Variants in PHKG2 observed in about 807,000 individuals in gnomAD.
PHKG2 encodes the protein phosphorylase kinase catalytic subunit gamma 2.
In PHKG2, 28 loss-of-function variants were observed where a neutral mutation model predicts 44.5. The observed-to-expected ratio is 0.63, with a 90% CI of 0.47 to 0.86. PHKG2 has a LOEUF of 0.86. Among genes scored for constraint, PHKG2 ranks in the 40% least tolerant of loss-of-function variants. The probability of loss-of-function intolerance (pLI) is 0.00; values close to 1 mark genes in which losing one functional copy is unlikely to be tolerated. For missense variants in PHKG2, 498 were observed against 547.5 expected, an observed-to-expected ratio of 0.91 and a Z score of 0.90; for synonymous variants, 220 against 211.2, an observed-to-expected ratio of 1.04 and a Z score of -0.36.
At position 30,748,450 on chromosome 16, in the gene PHKG2, G is replaced by A. The variant is rs1449020628; in HGVS notation, c.-59G>A. 1 of 291,474 alleles carries A rather than the reference G, an allele frequency of 3.4e-6. No homozygotes were observed. The highest frequency in any genetic ancestry group is 6.5e-6 in the Non-Finnish European group (1 of 153,472). The allele number at this position is 291,474 out of a possible 1,614,324, so 18.1% of individuals were successfully genotyped here. On this transcript the variant is annotated 5_prime_UTR_variant, in exon 1 of 10. Coordinates refer to ENST00000563588, the MANE Select transcript of PHKG2 (RefSeq NM_000294.3). ...GACTGCAGGCAAACCCGGCGACAGC[G>A]CAGCTCGCGTCGACCCTGGCTCCTC... is the stretch of plus-strand genomic sequence containing the variant.
In PHKG2 at chr16:30,759,620, G is replaced by A. The variant is rs755838861; in HGVS notation, c.*2523G>A. The A allele has an allele frequency of 1.9e-6, 3 of 1,613,952 alleles. No individual in the cohort carries two copies. The highest frequency in any genetic ancestry group is 1.3e-5 in the African/African-American group (1 of 74,910). Reference sequence around the variant, plus strand: ...CTGGGTGAGACCTTGTCTGGGGATGGGTAAAGTTTCCAGAATGTTCCAGGG... The same window carrying A: ...CTGGGTGAGACCTTGTCTGGGGATGAGTAAAGTTTCCAGAATGTTCCAGGG... On this transcript the variant is annotated 3_prime_UTR_variant, in exon 10 of 10. Transcript: ENST00000563588.
intron 2 of PHKG2, among the ~76,000 whole-genome samples, chr16:30,749,391 A>G (rs1426190067): frequency 3.9e-5 from 6 of 152,160 alleles, no homozygotes; most frequent in African/African-American, 4.8e-5. Flanking sequence ...TCTGTCGCCC[A>G]GGCCGGAATG....
At chr16:30,752,809 A>T (rs1466160150) in intron 4 of PHKG2, 1 of 309,666 alleles carries the variant, frequency 3.2e-6, no homozygotes, top group Non-Finnish European at 6.2e-6. Flanking sequence ...TTTTGAAAGT[A>T]TTATTTTTAA....
In PHKG2 at chr16:30,757,897, G is replaced by A; in HGVS notation, c.*800G>A. The A allele has an allele frequency of 8.7e-7, 1 of 1,149,656 alleles. No individual in the cohort carries two copies. The highest frequency in any genetic ancestry group is 1.6e-5 in the African/African-American group (1 of 63,346). 71.2% of individuals were successfully genotyped at this position (1,149,656 alleles called of 1,614,324 possible). ...CTCAGTAGCTGTGTGACCTTAGGCA[G>A]GTTATTTAACCTATCTGTGCCTCAG... is the stretch of plus-strand genomic sequence containing the variant. On this transcript the variant is annotated 3_prime_UTR_variant, in exon 10 of 10. Transcript: ENST00000563588.
Position 30,752,145 on chromosome 16 carries a change from C to G in PHKG2, c.326+542C>G, listed in dbSNP as rs180768224. Among the ~76,000 whole-genome samples the G allele has an allele frequency of 2.6e-3, 308 of 120,612 alleles. 2 individuals carry two copies. The highest frequency in any genetic ancestry group is 9.1e-3 in the African/African-American group (289 of 31,588). 79.1% of individuals were successfully genotyped at this position (120,612 alleles called of 152,430 possible). A position where few individuals can be genotyped will look rare whatever the true frequency, so the allele number is the denominator to read the frequency against. The stretch of plus-strand genomic sequence containing the variant: ...GACGTGGTAGCTCATGCCTGTAATC[C>G]CAGCATTTTGGGAGGCTGAGGCAGG... On this transcript the variant is annotated intron_variant, in intron 4 of 9. Coordinates refer to ENST00000563588, the MANE Select transcript of PHKG2 (RefSeq NM_000294.3).
chr16:30,749,659 A>C (rs533434974), intron 2 of PHKG2, among the ~76,000 whole-genome samples: 21 of 152,168 alleles, frequency 1.4e-4, no homozygotes, highest in Non-Finnish European at 2.4e-4. Flanking sequence ...AATAGTTCTA[A>C]ATGGGAAGAA....
Position 30,756,590 on chromosome 16 carries a change from A to G in PHKG2, c.802A>G (p.Ile268Val). 1.2e-6 allele frequency: 2 copies of G among 1,613,740 alleles called. No individual in the cohort carries two copies. The highest frequency in any genetic ancestry group is 1.7e-6 in the Non-Finnish European group (2 of 1,179,990). The change falls in exon 9 of 10, where the codon ATC (isoleucine) becomes GTC (valine). Residue 268 changes from isoleucine to valine, a missense_variant and splice_region_variant. Coordinates refer to ENST00000563588, the MANE Select transcript of PHKG2 (RefSeq NM_000294.3). The stretch of plus-strand genomic sequence containing the variant: ...CCCTCATGCTCTGGGTCTCTCCTAG[A>G]TCTCCAGGCTGCTGCAGGTGGATCC... ...DDRSSTVKDL[I>V]SRLLQVDPEA...
At chr16:30,756,326 G>A (rs779335874) in intron 7 of PHKG2, 41 bp from the exon 8 acceptor site, 92 of 1,614,008 alleles carry the variant, frequency 5.7e-5, no homozygotes, top group Non-Finnish European at 2.8e-5. Flanking sequence ...TGCTGGGTCT[G>A]CCCGTCACCT....
intron 6 of PHKG2, 134 bp from the exon 7 acceptor site, chr16:30,756,048 G>T: frequency 1.2e-6 from 1 of 801,160 alleles, no homozygotes; most frequent in Non-Finnish European, 2.2e-6. Context: ...CAGGAGACTT[G>T]GCAGAAGGCA....
At chr16:30,755,874 T>C (rs1370053154) in intron 6 of PHKG2, among the ~76,000 whole-genome samples, 4 of 152,034 alleles carry the variant, frequency 2.6e-5, no homozygotes, top group Admixed American at 2.6e-4. Context: ...GGTAACAAGT[T>C]GTGAGGAGTG....
Position 30,757,133 on chromosome 16 carries a change from C to G in PHKG2, c.*36C>G. 1 of 1,610,598 alleles carries G rather than the reference C, an allele frequency of 6.2e-7. No individual in the cohort carries two copies. The highest frequency in any genetic ancestry group is 2.2e-5 in the East Asian group (1 of 44,782). On this transcript the variant is annotated 3_prime_UTR_variant, in exon 10 of 10. Transcript: ENST00000563588. ...CCAGGGATTCCCAGGAAGCAGAACT[C>G]TCCAGAAGAAGGGTTTTGATCATTC...
Position 30,756,234 on chromosome 16 carries a change from G to A in PHKG2, c.609G>A (p.Met203Ile). Reference sequence around the variant, plus strand: ...CGCCAGAGATCCTTAAATGCTCCATGGATGAAACCCACCCAGGCTATGGCA... The same window carrying A: ...CGCCAGAGATCCTTAAATGCTCCATAGATGAAACCCACCCAGGCTATGGCA... ...YLAPEILKCSMDETHPGYGKE... is the reference protein window; with the variant it reads ...YLAPEILKCSIDETHPGYGKE... Residue 203 changes from methionine to isoleucine, a missense_variant, in exon 7 of 10, where the codon ATG (methionine) becomes ATA (isoleucine). By Grantham distance (10) the Met-to-Ile change is conservative. Transcript: ENST00000563588. The A allele has an allele frequency of 6.2e-7, 1 of 1,614,134 alleles. No individual in the cohort carries two copies. The highest frequency in any genetic ancestry group is 8.5e-7 in the Non-Finnish European group (1 of 1,180,010).
At position 30,749,124 on chromosome 16, in the gene PHKG2, C is replaced by G. The variant is rs879045891; in HGVS notation, c.95+209C>G. On this transcript the variant is annotated intron_variant, in intron 2 of 9. Coordinates refer to ENST00000563588, the MANE Select transcript of PHKG2 (RefSeq NM_000294.3). Reference sequence around the variant, plus strand: ...GCTGCTGCTGCTGGTGGTGCTGGTGCTGGTGGTGGTGGTGCTGGTGCTGGT... The same window carrying G: ...GCTGCTGCTGCTGGTGGTGCTGGTGGTGGTGGTGGTGGTGCTGGTGCTGGT... 8.5e-3 allele frequency among the ~76,000 whole-genome samples: 64 copies of G among 7,488 alleles called. 16 individuals are homozygous for G. Among genetic ancestry groups the G allele is most frequent in the South Asian group, 0.03 (4 of 134 alleles). 4.9% of individuals were successfully genotyped at this position (7,488 alleles called of 152,430 possible). A position where few individuals can be genotyped will look rare whatever the true frequency, so the allele number is the denominator to read the frequency against.
At chr16:30,751,976 C>T (rs1388397521) in intron 4 of PHKG2, 2 of 316,094 alleles carry the variant, frequency 6.3e-6, no homozygotes, top group Non-Finnish European at 1.2e-5. Flanking sequence ...GCCTGTAGTC[C>T]CAGCTACTCG....
Position 30,748,439 on chromosome 16 carries a change from C to T in PHKG2, c.-70C>T, listed in dbSNP as rs879456688. The stretch of plus-strand genomic sequence containing the variant: ...TTAAGGTGAGCGACTGCAGGCAAAC[C>T]CGGCGACAGCGCAGCTCGCGTCGAC... On this transcript the variant is annotated 5_prime_UTR_variant, in exon 1 of 10. Coordinates refer to ENST00000563588, the MANE Select transcript of PHKG2 (RefSeq NM_000294.3). 6.0e-5 allele frequency: 16 copies of T among 268,102 alleles called. No individual in the cohort carries two copies. The highest frequency in any genetic ancestry group is 1.1e-4 in the Non-Finnish European group (15 of 139,302). The allele number at this position is 268,102 out of a possible 1,614,324, so 16.6% of individuals were successfully genotyped here.
chr16:30,756,623 C>G lies in PHKG2; in HGVS notation c.835C>G (p.Arg279Gly), dbSNP rs994896967. Residue 279 changes from arginine to glycine, a missense_variant, in exon 9 of 10, where the codon CGC (arginine) becomes GGC (glycine). Transcript: ENST00000563588. Reference sequence around the variant, plus strand: ...GCTGCTGCAGGTGGATCCTGAGGCACGCCTGACAGCTGAGCAGGCCCTACA... The same window carrying G: ...GCTGCTGCAGGTGGATCCTGAGGCAGGCCTGACAGCTGAGCAGGCCCTACA... ...SRLLQVDPEARLTAEQALQHP... is the reference protein window; with the variant it reads ...SRLLQVDPEAGLTAEQALQHP... 1 of 1,614,012 alleles carries G rather than the reference C, an allele frequency of 6.2e-7. No homozygotes were observed. Among genetic ancestry groups the G allele is most frequent in the Non-Finnish European group, 8.5e-7 (1 of 1,180,026 alleles).
chr16:30,748,566 T>C, intron 1 of PHKG2, 76 bp downstream of exon 1: 1 of 551,238 alleles, frequency 1.8e-6, no homozygotes, highest in Non-Finnish European at 3.2e-6. Context: ...CGCCTGCCCT[T>C]GCGCCCCTTC....
chr16:30,749,842 C>T (rs1002489716), intron 2 of PHKG2, among the ~76,000 whole-genome samples: 3 of 152,082 alleles, frequency 2.0e-5, no homozygotes, highest in African/African-American at 2.4e-5. Flanking sequence ...GGCACGTGAA[C>T]GTTAAAAAGG....
Position 30,757,718 on chromosome 16 carries a change from C to T in PHKG2, c.*621C>T. 1 of 1,528,480 alleles carries T rather than the reference C, an allele frequency of 6.5e-7. No homozygotes were observed. The highest frequency in any genetic ancestry group is 2.1e-5 in the Admixed American group (1 of 48,170). 94.7% of individuals were successfully genotyped at this position (1,528,480 alleles called of 1,614,324 possible). A position where few individuals can be genotyped will look rare whatever the true frequency, so the allele number is the denominator to read the frequency against. On this transcript the variant is annotated 3_prime_UTR_variant, in exon 10 of 10. Coordinates refer to ENST00000563588, the MANE Select transcript of PHKG2 (RefSeq NM_000294.3). Reference sequence around the variant, plus strand: ...TGCTGTCTGGCAATGGGGGGATGGTCCCTAGTTGGGCAAACAGTCCCCAAA... The same window carrying T: ...TGCTGTCTGGCAATGGGGGGATGGTTCCTAGTTGGGCAAACAGTCCCCAAA...
Sources: gnomAD v4.1 joint callset for allele counts (sites outside exome capture counted in the v4.1 genomes callset) on GRCh38, gnomAD v4.1.1 for gene constraint, MANE v1.5 for transcripts, NCBI Gene and HGNC (gene_info 2026-07-23, HGNC 2026-07-21) for gene names.